Variants in GPC6 observed in about 807,000 individuals in gnomAD.
GPC6 encodes glypican 6.
A neutral mutation model predicts 55.2 loss-of-function variants in GPC6; 14 were observed. The observed-to-expected ratio is 0.25, with a 90% CI of 0.17 to 0.40. The LOEUF (loss-of-function observed/expected upper bound fraction) is 0.40, where lower values mean the gene tolerates loss of function less well. Among genes scored for constraint, GPC6 ranks in the 10% least tolerant of loss-of-function variants. The pLI, the probability that GPC6 is intolerant of heterozygous loss-of-function variation, is 1.00. For synonymous variants in GPC6, 278 were observed against 259.6 expected (o/e 1.07, Z -0.68); for missense variants, 641 against 708.5 (o/e 0.90, Z 1.08).
chr13:94,242,018 A>G (rs999590142), intron 4 of GPC6, among the ~76,000 whole-genome samples: 4 of 151,900 alleles, frequency 2.6e-5, no homozygotes, highest in Admixed American at 2.6e-4. Flanking sequence ...TGCTGCACCC[A>G]TTAACTCGTC....
chr13:93,354,112 T>C (rs1477812219), intron 1 of GPC6, among the ~76,000 whole-genome samples: 3 of 152,196 alleles, frequency 2.0e-5, no homozygotes, highest in Admixed American at 2.0e-4. Context: ...AGCCTTTATC[T>C]GAAGCACGTT....
chr13:93,921,924 G>A (rs912670629), intron 3 of GPC6, among the ~76,000 whole-genome samples: 5 of 151,234 alleles, frequency 3.3e-5, no homozygotes, highest in South Asian at 2.1e-4. Context: ...TCTCCTGTCC[G>A]TATCAATATG....
intron 3 of GPC6, among the ~76,000 whole-genome samples, chr13:93,972,453 T>A (rs1880326724): frequency 6.6e-6 from 1 of 152,122 alleles, no homozygotes. Flanking sequence ...TAAGGGGAAA[T>A]CAATCATTTC....
chr13:93,509,128 G>A (rs996309506), intron 1 of GPC6, among the ~76,000 whole-genome samples: 6 of 152,106 alleles, frequency 3.9e-5, no homozygotes, highest in Admixed American at 2.6e-4. Flanking sequence ...ATTAATAGGT[G>A]CATTTGAGTT....
chr13:94,299,651 C>T (rs563473558), intron 5 of GPC6, among the ~76,000 whole-genome samples: 6 of 152,180 alleles, frequency 3.9e-5, no homozygotes, highest in Non-Finnish European at 7.3e-5. Flanking sequence ...AGAGGGCCCT[C>T]GCCAGATACC....
At chr13:93,750,921 G>T (rs1884555266) in intron 2 of GPC6, among the ~76,000 whole-genome samples, 2 of 152,172 alleles carry the variant, frequency 1.3e-5, no homozygotes, top group Non-Finnish European at 2.9e-5. Flanking sequence ...TGCTTTTCCA[G>T]ATGTCCAGGG....
intron 8 of GPC6, among the ~76,000 whole-genome samples, chr13:94,399,436 A>G (rs1195845629): frequency 1.3e-5 from 2 of 152,230 alleles, no homozygotes; most frequent in Non-Finnish European, 2.9e-5. Context: ...TAACTACAAA[A>G]AAAGAGTTTT....
intron 1 of GPC6, among the ~76,000 whole-genome samples, chr13:93,231,526 T>C (rs1290340163): frequency 6.6e-6 from 1 of 150,838 alleles, no homozygotes; most frequent in African/African-American, 2.4e-5. Flanking sequence ...TTCCAACGTC[T>C]CTAATTCTCA....
At chr13:93,704,328 A>T (rs189628299) in intron 2 of GPC6, among the ~76,000 whole-genome samples, 165 of 152,078 alleles carry the variant, frequency 1.1e-3, no homozygotes, top group African/African-American at 3.7e-3. Context: ...AATAAGGAAG[A>T]ATTAGTTCTG....
chr13:93,216,630 T>C, the GPC6 span, among the ~76,000 whole-genome samples: 1 of 152,178 alleles, frequency 6.6e-6, no homozygotes, highest in Non-Finnish European at 1.5e-5. Flanking sequence ...AAAAATCCAC[T>C]TCTCAGAGAA....
At chr13:94,121,237 C>A (rs982381957) in intron 4 of GPC6, among the ~76,000 whole-genome samples, 2 of 152,078 alleles carry the variant, frequency 1.3e-5, no homozygotes, top group South Asian at 2.1e-4. Flanking sequence ...ATTGTAATGA[C>A]TGCTTATCTT....
chr13:93,534,564 C>T (rs759837147), intron 1 of GPC6, among the ~76,000 whole-genome samples: 1 of 152,130 alleles, frequency 6.6e-6, no homozygotes, highest in Non-Finnish European at 1.5e-5. Flanking sequence ...CTATTCCTGG[C>T]CATTTTCAGG....
intron 2 of GPC6, among the ~76,000 whole-genome samples, chr13:93,553,694 C>CAA (rs34521652): frequency 0.016 from 879 of 56,378 alleles, 21 homozygotes; most frequent in African/African-American, 0.025. Flanking sequence ...GACTCCATCT[C>CAA]AAAAAAAAAA....
chr13:93,894,753 A>G (rs1875891824), intron 3 of GPC6, among the ~76,000 whole-genome samples: 1 of 152,052 alleles, frequency 6.6e-6, no homozygotes, highest in African/African-American at 2.4e-5. Context: ...GGAAAGGAAA[A>G]TGGCCATCAA....
chr13:94,042,823 A>T (rs1013089021), intron 4 of GPC6, among the ~76,000 whole-genome samples: 2 of 151,856 alleles, frequency 1.3e-5, no homozygotes, highest in African/African-American at 4.8e-5. Flanking sequence ...TAGTATTTGC[A>T]TACTGGTGAT....
At chr13:93,308,680 G>A (rs915328498) in intron 1 of GPC6, among the ~76,000 whole-genome samples, 1 of 152,222 alleles carries the variant, frequency 6.6e-6, no homozygotes, top group African/African-American at 2.4e-5. Flanking sequence ...GACTTCAAGT[G>A]ATCTGCCCGC....
intron 2 of GPC6, among the ~76,000 whole-genome samples, chr13:93,814,295 A>G (rs150625849): frequency 3.0e-4 from 45 of 152,274 alleles, no homozygotes; most frequent in African/African-American, 1.0e-3. Context: ...GATATCCACA[A>G]AGTGTTTTTA....
intron 6 of GPC6, among the ~76,000 whole-genome samples, chr13:94,371,671 G>A (rs1158472115): frequency 1.3e-5 from 2 of 152,042 alleles, no homozygotes; most frequent in African/African-American, 4.8e-5. Context: ...CATGTGCCCT[G>A]ACAACAAAGT....
intron 4 of GPC6, among the ~76,000 whole-genome samples, chr13:94,035,514 T>G (rs190770261): frequency 6.6e-6 from 1 of 151,976 alleles, no homozygotes; most frequent in Non-Finnish European, 1.5e-5. Flanking sequence ...TATTCACAAA[T>G]AGCAAAGTTG....
Sources: gnomAD v4.1 joint callset for allele counts (sites outside exome capture counted in the v4.1 genomes callset) on GRCh38, gnomAD v4.1.1 for gene constraint, MANE v1.5 for transcripts, NCBI Gene and HGNC (gene_info 2026-07-23, HGNC 2026-07-21) for gene names.